Variants in CDX2 observed in about 807,000 individuals in gnomAD.
The protein encoded by CDX2 is caudal type homeobox 2.
A neutral mutation model predicts 25.5 loss-of-function variants in CDX2; 7 were observed. That is an observed-to-expected ratio of 0.27 (90% CI 0.16 to 0.52). The LOEUF is 0.52. CDX2 is among the 20% of genes least tolerant of loss of function. The pLI is 0.97. For synonymous variants in CDX2, 222 were observed against 198.6 expected, an observed-to-expected ratio of 1.12 and a Z score of -0.99; for missense variants, 375 against 431.4, an observed-to-expected ratio of 0.87 and a Z score of 1.16.
At chr13:27,966,220 C>T (rs1869314194) in intron 1 of CDX2, among the ~76,000 whole-genome samples, 1 of 152,220 alleles carries the variant, frequency 6.6e-6, no homozygotes, top group Non-Finnish European at 1.5e-5. Context: ...GAGCAAATGG[C>T]GGCCCCGGCT....
rs977861642 is a variant in CDX2 at position 27,961,602 on chromosome 13, G to C, written c.*1513C>G. ...AAGGAAACTGCAAAGACAGAGAAGA[G>C]AGTGGAGGCAGAAAGGGCTCACGGA... On this transcript the variant is annotated 3_prime_UTR_variant, in exon 3 of 3. Transcript: ENST00000381020. Among the ~76,000 whole-genome samples, 4 of 152,194 alleles carry C rather than the reference G, an allele frequency of 2.6e-5. No individual in the cohort carries two copies. The highest frequency in any genetic ancestry group is 9.7e-5 in the African/African-American group (4 of 41,446).
chr13:27,968,648 T>A lies in CDX2; in HGVS notation c.359A>T (p.His120Leu). The change falls in exon 1 of 3, where the codon CAT becomes CTT. Residue 120 changes from histidine to leucine, a missense_variant. By Grantham distance (99) the His-to-Leu change is moderately conservative. Coordinates refer to ENST00000381020, the MANE Select transcript of CDX2 (RefSeq NM_001265.6). ...GGCGGCCGGGTGGTGCGGGTGGTGA[T>A]GCGGGTGGTGGTGCGGATGGTAGTC... ...PADYHPHHHPHHHPHHPAAAP... is the reference protein window; with the variant it reads ...PADYHPHHHPLHHPHHPAAAP... 2 of 1,535,312 alleles carry A rather than the reference T, an allele frequency of 1.3e-6. No homozygotes were observed. Among genetic ancestry groups the A allele is most frequent in the Non-Finnish European group, 1.7e-6 (2 of 1,145,872 alleles).
chr13:27,965,097 G>T, intron 1 of CDX2, 82 bp from the exon 2 acceptor site: 2 of 1,448,732 alleles, frequency 1.4e-6, no homozygotes, highest in Non-Finnish European at 1.9e-6. Flanking sequence ...CCTAACCCAG[G>T]GACATTTCTC....
In CDX2 at chr13:27,964,478, C is replaced by T. The variant is rs1869212980; in HGVS notation, c.687+392G>A. ...CGGTAATCTCAGCACTTTAGGAGTC[C>T]AAGACAGGAGGAGCATTTGGAGTTT... On this transcript the variant is annotated intron_variant, in intron 2 of 2. Transcript: ENST00000381020. The surrounding 1 kb of genome is among the most constrained non-coding windows in gnomAD (Gnocchi z 4.7). 6.6e-6 allele frequency among the ~76,000 whole-genome samples: 1 copy of T among 152,004 alleles called. No individual in the cohort carries two copies. Among genetic ancestry groups the T allele is most frequent in the Non-Finnish European group, 1.5e-5 (1 of 68,020 alleles).
At chr13:27,968,308 A>G (rs2137544275) in intron 1 of CDX2, among the ~76,000 whole-genome samples, 158 bp downstream of exon 1, 1 of 152,368 alleles carries the variant, frequency 6.6e-6, no homozygotes, top group Non-Finnish European at 1.5e-5. Context: ...GACGGGCCAG[A>G]GGCCCCCGAA....
Position 27,968,524 on chromosome 13 carries a change from C to T in CDX2, c.483G>A (p.Gln161=). The T allele has an allele frequency of 6.4e-6, 10 of 1,565,140 alleles. No individual in the cohort carries two copies. Among genetic ancestry groups the T allele is most frequent in the Non-Finnish European group, 8.6e-6 (10 of 1,166,562 alleles). Residue 161 remains glutamine (Q), a synonymous_variant, in exon 1 of 3, where the codon CAG becomes CAA. Coordinates refer to ENST00000381020, the MANE Select transcript of CDX2 (RefSeq NM_001265.6). The part of the protein sequence containing the change: ...AAAEQLSPGG[Q]RRNLCEWMRK... ...GCATCCACTCGCACAGGTTCCGCCGCTGGCCGCCGGGAGACAGCTGCTCGG... is the reference window on the plus strand; with the variant it reads ...GCATCCACTCGCACAGGTTCCGCCGTTGGCCGCCGGGAGACAGCTGCTCGG...
Position 27,963,176 on chromosome 13 carries a change from C to G in CDX2, c.881G>C (p.Gly294Ala). 1 of 1,614,172 alleles carries G rather than the reference C, an allele frequency of 6.2e-7. No individual in the cohort carries two copies. ...TGGCCCCAGAACCCCAGGGACAGAG[C>G]CAGGCACTGAGGCTTGCAGGGAAGA... is the stretch of plus-strand genomic sequence containing the variant. ...PVSSLQASVP[G>A]SVPGVLGPTG... The change falls in exon 3 of 3, where the codon GGC becomes GCC. Residue 294 changes from glycine (G) to alanine (A), a missense_variant. By Grantham distance (60) the Gly-to-Ala change is moderately conservative. This residue lies in a region of CDX2 where 58 missense variants were observed against 59.4 expected (regional missense o/e 0.98). Transcript: ENST00000381020.
At chr13:27,968,382 G>C in intron 1 of CDX2, 84 bp downstream of exon 1, 1 of 1,359,782 alleles carries the variant, frequency 7.4e-7, no homozygotes, top group African/African-American at 1.5e-5. Context: ...GCCCCTGTGC[G>C]CACTGGACGC....
At chr13:27,967,662 T>C (rs1029485784) in intron 1 of CDX2, among the ~76,000 whole-genome samples, 3 of 152,136 alleles carry the variant, frequency 2.0e-5, no homozygotes, top group African/African-American at 7.2e-5. Flanking sequence ...CCTGACACCC[T>C]TGAAAGGAAG....
At chr13:27,965,625 T>C (rs921411788) in intron 1 of CDX2, among the ~76,000 whole-genome samples, 1 of 152,238 alleles carries the variant, frequency 6.6e-6, no homozygotes, top group Non-Finnish European at 1.5e-5. Context: ...GGGGACACTT[T>C]ATACCTGCCC....
Position 27,962,944 on chromosome 13 carries a change from G to GC in CDX2, c.*170dup, listed in dbSNP as rs1338913184. 3.6e-5 allele frequency: 27 copies of GC among 740,140 alleles called. No homozygotes were observed. In the East Asian group the frequency reaches 6.5e-4, roughly 18 times the overall value. 45.8% of individuals were successfully genotyped at this position (740,140 alleles called of 1,614,324 possible). On this transcript the variant is annotated 3_prime_UTR_variant, in exon 3 of 3. Transcript: ENST00000381020. Reference sequence around the variant, plus strand: ...AATCTGGGAGAGTATATTTCTTGAGGCCCCAAATCCCACTTGTCTTACTCC... The same window carrying GC: ...AATCTGGGAGAGTATATTTCTTGAGGCCCCCAAATCCCACTTGTCTTACTCC...
At position 27,961,898 on chromosome 13, in the gene CDX2, C is replaced by T. The variant is rs1869069389; in HGVS notation, c.*1217G>A. Among the ~76,000 whole-genome samples, 1 of 151,910 alleles carries T rather than the reference C, an allele frequency of 6.6e-6. No homozygotes were observed. Among genetic ancestry groups the T allele is most frequent in the Non-Finnish European group, 1.5e-5 (1 of 67,984 alleles). On this transcript the variant is annotated 3_prime_UTR_variant, in exon 3 of 3. Transcript: ENST00000381020. ...CCTGGCCATTCAGATGTGCATTTTG[C>T]CCAAAGGCACCCCCAGGAGAGCCAC...
At chr13:27,968,334 T>A (rs746208528) in intron 1 of CDX2, 132 bp downstream of exon 1, 152 of 1,140,612 alleles carry the variant, frequency 1.3e-4, no homozygotes, top group Non-Finnish European at 1.7e-4. Flanking sequence ...CTCCGGGCCG[T>A]GCCCCTCCTG....
rs1805108 is a variant in CDX2 at position 27,963,105 on chromosome 13, A to C, written c.*10T>G. 1,291,764 of 1,605,758 alleles carry C rather than the reference A, an allele frequency of 0.8. 523,821 individuals are homozygous for C. Among genetic ancestry groups the C allele is most frequent in the South Asian group, 0.89 (80,570 of 90,482 alleles). On this transcript the variant is annotated 3_prime_UTR_variant, in exon 3 of 3. Transcript: ENST00000381020. ...CCTGGAATTGCTCTGCCGCTGCAGA[A>C]CCCGGTGGGTCACTGGGTGACGGTG...
In CDX2 at chr13:27,964,885, C is replaced by A; in HGVS notation, c.672G>T (p.Gly224=). 6.2e-7 allele frequency: 1 copy of A among 1,614,066 alleles called. No individual in the cohort carries two copies. The highest frequency in any genetic ancestry group is 8.5e-7 in the Non-Finnish European group (1 of 1,180,018). ...RRKAELAATL[G]LSERQVKIWF... ...CGGTCCCCACCTGCCTCTCAGAGAG[C>A]CCCAGCGTGGCGGCTAGCTCGGCTT... Residue 224 remains glycine, a synonymous_variant, in exon 2 of 3, where the codon GGG becomes GGT. Coordinates refer to ENST00000381020, the MANE Select transcript of CDX2 (RefSeq NM_001265.6). The surrounding 1 kb of genome is among the most constrained non-coding windows in gnomAD (Gnocchi z 4.7).
Position 27,968,842 on chromosome 13 carries a change from C to T in CDX2, c.165G>A (p.Leu55=). The stretch of plus-strand genomic sequence containing the variant: ...ATGGCCCCGGGGACTGCGCGCTGTC[C>T]AAGTTCGCTGCCGCTGCAGCTGCGG... ...VAAAAAAAAN[L]DSAQSPGPSW... Residue 55 remains leucine (L), a synonymous_variant, in exon 1 of 3, where the codon TTG becomes TTA. Coordinates refer to ENST00000381020, the MANE Select transcript of CDX2 (RefSeq NM_001265.6). The T allele has an allele frequency of 6.3e-7, 1 of 1,584,230 alleles. No individual in the cohort carries two copies. The highest frequency in any genetic ancestry group is 1.1e-5 in the South Asian group (1 of 87,652).
In CDX2 at chr13:27,962,203, C is replaced by T. The variant is rs1869080074; in HGVS notation, c.*912G>A. ...AAATTCAACTGTGTTCAAATACTCC[C>T]CACTTCCCTTCACCATATCACTTCT... On this transcript the variant is annotated 3_prime_UTR_variant, in exon 3 of 3. Transcript: ENST00000381020. 4.3e-6 allele frequency: 1 copy of T among 232,824 alleles called. No homozygotes were observed. The highest frequency in any genetic ancestry group is 2.2e-5 in the African/African-American group (1 of 45,228). The allele number at this position is 232,824 out of a possible 1,614,324, so 14.4% of individuals were successfully genotyped here.
In CDX2 at chr13:27,963,033, G is replaced by A; in HGVS notation, c.*82C>T. On this transcript the variant is annotated 3_prime_UTR_variant, in exon 3 of 3. Coordinates refer to ENST00000381020, the MANE Select transcript of CDX2 (RefSeq NM_001265.6). The stretch of plus-strand genomic sequence containing the variant: ...CTATGGCTGTGGGTGGGAGGGGAGG[G>A]GTCTCTCCTGAGGAGTCTAGCAGAG... The A allele has an allele frequency of 6.8e-7, 1 of 1,470,036 alleles. No individual in the cohort carries two copies. The highest frequency in any genetic ancestry group is 9.0e-7 in the Non-Finnish European group (1 of 1,107,310). The allele number at this position is 1,470,036 out of a possible 1,614,324, so 91.1% of individuals were successfully genotyped here.
chr13:27,964,307 G>C lies in CDX2; in HGVS notation c.687+563C>G, dbSNP rs1022621377. On this transcript the variant is annotated intron_variant, in intron 2 of 2. Coordinates refer to ENST00000381020, the MANE Select transcript of CDX2 (RefSeq NM_001265.6). The surrounding 1 kb of genome is among the most constrained non-coding windows in gnomAD (Gnocchi z 4.7). Reference sequence around the variant, plus strand: ...CCAGCTATTTGGGAGGCTGAAGCAGGAGAATCGCTTGAACCCGGGAGGCAG... The same window carrying C: ...CCAGCTATTTGGGAGGCTGAAGCAGCAGAATCGCTTGAACCCGGGAGGCAG... Among the ~76,000 whole-genome samples the C allele has an allele frequency of 1.9e-4, 29 of 152,188 alleles. No individual in the cohort carries two copies. The highest frequency in any genetic ancestry group is 1.9e-3 in the Admixed American group (29 of 15,288).
Sources: allele counts gnomAD v4.1 joint callset (sites outside exome capture counted in the v4.1 genomes callset), GRCh38; gene constraint gnomAD v4.1.1; regional missense constraint gnomAD v4.1.1; non-coding constraint Gnocchi (gnomAD v3.1); transcripts MANE v1.5; gene names NCBI Gene and HGNC (gene_info 2026-07-23, HGNC 2026-07-21).